The following FRMD4B variants were observed in gnomAD, a reference collection of about 807,000 sequenced individuals.
FRMD4B encodes FERM domain containing 4B.
Under a neutral mutation model 141.5 loss-of-function variants are expected in FRMD4B, and 74 were observed. That is an observed-to-expected ratio of 0.52 (90% confidence interval 0.43 to 0.63). FRMD4B has a LOEUF of 0.63. Ranked by LOEUF, FRMD4B falls within the 30% of genes least tolerant of loss-of-function variation. FRMD4B has a pLI of 0.00. For synonymous variants in FRMD4B, 506 were observed against 467.9 expected (o/e 1.08, Z -1.05); for missense variants, 1,366 against 1,253.4 (o/e 1.09, Z -1.36).
At chr3:69,497,122 C>A (rs1163619813) in intron 1 of FRMD4B, among the ~76,000 whole-genome samples, 1 of 152,152 alleles carries the variant, frequency 6.6e-6, no homozygotes, top group African/African-American at 2.4e-5. Flanking sequence ...AAGGTCCTGT[C>A]ATACTTCCTT....
chr3:69,287,155 A>G (rs1243867449), intron 5 of FRMD4B, among the ~76,000 whole-genome samples: 1 of 152,152 alleles, frequency 6.6e-6, no homozygotes, highest in African/African-American at 2.4e-5. Flanking sequence ...GCATGGGATT[A>G]TTTTTCTAGC....
intron 5 of FRMD4B, among the ~76,000 whole-genome samples, chr3:69,280,330 C>T (rs2093638972): frequency 6.6e-6 from 1 of 152,142 alleles, no homozygotes; most frequent in Non-Finnish European, 1.5e-5. Flanking sequence ...CAGCAGCATG[C>T]ACTCTCCTCT....
chr3:69,429,779 G>T, intron 2 of FRMD4B, among the ~76,000 whole-genome samples: 1 of 143,144 alleles, frequency 7.0e-6, no homozygotes, highest in African/African-American at 2.6e-5. Context: ...TTTTTGAGGC[G>T]GAGTCTCACT....
At position 69,245,939 on chromosome 3, in the gene FRMD4B, G is replaced by A. The variant is rs2093423114; in HGVS notation, c.581+3287C>T. 4.8e-5 allele frequency among the ~76,000 whole-genome samples: 7 copies of A among 145,234 alleles called. No homozygotes were observed. In the South Asian group the frequency reaches 1.5e-3, roughly 31 times the overall value. The stretch of plus-strand genomic sequence containing the variant: ...CACAACCTCTGCCTCCTGGGTTCAA[G>A]AGATTCTCCTTCCTCAGCCTCCCAA... On this transcript the variant is annotated intron_variant, in intron 7 of 22. Coordinates refer to ENST00000398540, the MANE Select transcript of FRMD4B (RefSeq NM_015123.3).
intron 5 of FRMD4B, among the ~76,000 whole-genome samples, chr3:69,252,779 G>A (rs894051933): frequency 5.3e-5 from 8 of 152,110 alleles, no homozygotes; most frequent in Non-Finnish European, 1.2e-4. Context: ...TGGCAACAGA[G>A]GTAACATTAT....
At chr3:69,493,685 T>TTC (rs138039931) in intron 1 of FRMD4B, among the ~76,000 whole-genome samples, 16,512 of 151,476 alleles carry the variant, frequency 0.11, 960 homozygotes, top group Admixed American at 0.14. Flanking sequence ...TTCTTTAGAA[T>TTC]TCTCTCTCTC....
chr3:69,497,542 A>C (rs9879192), intron 1 of FRMD4B, among the ~76,000 whole-genome samples: 49,116 of 151,862 alleles, frequency 0.32, 8,086 homozygotes, highest in African/African-American at 0.37. Flanking sequence ...AGTTACCTGA[A>C]CTTACGAGTC....
chr3:69,505,181 G>A (rs573144459), intron 1 of FRMD4B, among the ~76,000 whole-genome samples: 53 of 151,488 alleles, frequency 3.5e-4, no homozygotes, highest in African/African-American at 1.3e-3. Flanking sequence ...ACCAGCCTGG[G>A]CAAGATAGGA....
At chr3:69,382,621 C>G (rs567321490) in intron 1 of FRMD4B, among the ~76,000 whole-genome samples, 1 of 152,228 alleles carries the variant, frequency 6.6e-6, no homozygotes, top group Non-Finnish European at 1.5e-5. Flanking sequence ...CCATTTCACT[C>G]TCATTGAGAA....
intron 22 of FRMD4B, among the ~76,000 whole-genome samples, chr3:69,172,873 GA>G (rs2092603003): frequency 6.6e-6 from 1 of 151,934 alleles, no homozygotes; most frequent in African/African-American, 2.4e-5. Flanking sequence ...TAGTAAAGGT[GA>G]TTTTTTTTTT....
In FRMD4B at chr3:69,385,959, C is replaced by T. The variant is rs938431743; in HGVS notation, c.31G>A (p.Asp11Asn). The T allele has an allele frequency of 3.1e-6, 5 of 1,604,690 alleles. No individual in the cohort carries two copies. The highest frequency in any genetic ancestry group is 1.1e-5 in the South Asian group (1 of 88,920). Residue 11 changes from aspartate to asparagine, a missense_variant, in exon 1 of 23, where the codon GAC (aspartate) becomes AAC (asparagine). Transcript: ENST00000398540. ...AAGCGGCTGCCGCTGAACAGCAGGT[C>T]CTCCACGCCACACATGAACACCGAA... is the stretch of plus-strand genomic sequence containing the variant. MASVFMCGVE[D>N]LLFSGSRFVW...
At chr3:69,328,739 C>T (rs1365589071) in intron 1 of FRMD4B, among the ~76,000 whole-genome samples, 3 of 152,174 alleles carry the variant, frequency 2.0e-5, no homozygotes, top group Non-Finnish European at 4.4e-5. Flanking sequence ...GACACTCTCA[C>T]CAGCACCATG....
chr3:69,211,987 A>G lies in FRMD4B; in HGVS notation c.876+4276T>C, dbSNP rs150936499. Among the ~76,000 whole-genome samples the G allele has an allele frequency of 3.0e-3, 460 of 152,048 alleles. 2 individuals carry two copies. The highest frequency in any genetic ancestry group is 5.5e-3 in the Non-Finnish European group (371 of 67,996). On this transcript the variant is annotated intron_variant, in intron 11 of 22. Transcript: ENST00000398540. ...AAAATCCATTGTCAGATTTTAACAA[A>G]AGAAGAAAGGAAGAAATAAACAATG...
intron 1 of FRMD4B, among the ~76,000 whole-genome samples, chr3:69,380,079 C>T (rs556912373): frequency 1.3e-5 from 2 of 152,316 alleles, no homozygotes; most frequent in South Asian, 4.1e-4. Context: ...GTGGTGAGAT[C>T]CAGAGTTCAG....
chr3:69,246,252 T>C lies in FRMD4B; in HGVS notation c.581+2974A>G, dbSNP rs192923492. 2.3e-3 allele frequency among the ~76,000 whole-genome samples: 347 copies of C among 152,240 alleles called. 15 individuals are homozygous for C. In the South Asian group the frequency reaches 0.068, roughly 30 times the overall value. ...AGGCAGATCAGCTGGGCCCAGGAATTTGAGACCAGCCTGGGTAACATGGTG... is the reference window on the plus strand; with the variant it reads ...AGGCAGATCAGCTGGGCCCAGGAATCTGAGACCAGCCTGGGTAACATGGTG... On this transcript the variant is annotated intron_variant, in intron 7 of 22. Transcript: ENST00000398540.
intron 1 of FRMD4B, among the ~76,000 whole-genome samples, chr3:69,377,455 G>A (rs1401166137): frequency 2.6e-5 from 4 of 152,186 alleles, no homozygotes; most frequent in African/African-American, 9.7e-5. Flanking sequence ...TGCTGCCCTT[G>A]CTTCAGTGCA....
At chr3:69,416,216 G>A (rs7626097) in intron 2 of FRMD4B, among the ~76,000 whole-genome samples, 41,609 of 152,124 alleles carry the variant, frequency 0.27, 6,152 homozygotes, top group East Asian at 0.44. Flanking sequence ...GCTGAAAGCT[G>A]ACATACAGAA....
intron 11 of FRMD4B, among the ~76,000 whole-genome samples, chr3:69,212,947 T>C (rs998953535): frequency 6.6e-6 from 1 of 152,056 alleles, no homozygotes; most frequent in Non-Finnish European, 1.5e-5. Context: ...GCAAAATAGA[T>C]AAACTAGGGT....
intron 1 of FRMD4B, among the ~76,000 whole-genome samples, chr3:69,343,303 C>A (rs1267752676): frequency 6.6e-6 from 1 of 152,124 alleles, no homozygotes; most frequent in Non-Finnish European, 1.5e-5. Context: ...GGAGGTCACT[C>A]AGTTTGTCAA....
Sources: gnomAD v4.1 joint callset for allele counts (sites outside exome capture counted in the v4.1 genomes callset) on GRCh38, gnomAD v4.1.1 for gene constraint, MANE v1.5 for transcripts, NCBI Gene and HGNC (gene_info 2026-07-23, HGNC 2026-07-21) for gene names.